Variants in TMTC2 observed in about 807,000 individuals in gnomAD.
TMTC2 encodes the protein transmembrane O-mannosyltransferase targeting cadherins 2, also known as protein O-mannosyl-transferase TMTC2.
A neutral mutation model predicts 82.4 loss-of-function variants in TMTC2; 43 were observed. The observed-to-expected ratio is 0.52, with a 90% confidence interval of 0.41 to 0.67. TMTC2 has a LOEUF of 0.67. Ranked by LOEUF, TMTC2 falls within the 30% of genes least tolerant of loss-of-function variation. The pLI is 0.00. For missense variants in TMTC2, 919 were observed against 1,012.4 expected (o/e 0.91, Z 1.25); for synonymous variants, 408 against 381.9 (o/e 1.07, Z -0.80).
At chr12:83,126,546 C>A (rs1266401151) in intron 11 of TMTC2, among the ~76,000 whole-genome samples, 3 of 151,942 alleles carry the variant, frequency 2.0e-5, no homozygotes, top group Non-Finnish European at 4.4e-5. Flanking sequence ...TTTAAGTAAT[C>A]CAGAAAAAGA....
intron 1 of TMTC2, among the ~76,000 whole-genome samples, chr12:82,709,363 G>A (rs1294193393): frequency 6.6e-6 from 1 of 152,168 alleles, no homozygotes. Flanking sequence ...TGAAATGTTG[G>A]TTTGTAGATT....
At chr12:82,834,465 A>G (rs972060286) in intron 1 of TMTC2, among the ~76,000 whole-genome samples, 1 of 152,198 alleles carries the variant, frequency 6.6e-6, no homozygotes, top group Admixed American at 6.5e-5. Flanking sequence ...TCACAGCTAT[A>G]GTTCCTTCAA....
At chr12:83,039,044 G>T (rs1881789117) in intron 9 of TMTC2, among the ~76,000 whole-genome samples, 1 of 148,708 alleles carries the variant, frequency 6.7e-6, no homozygotes, top group African/African-American at 2.5e-5. Flanking sequence ...CGATTCTCCA[G>T]CCTTAGCTTC....
At chr12:83,117,672 T>C (rs1258651134) in intron 11 of TMTC2, among the ~76,000 whole-genome samples, 1 of 152,176 alleles carries the variant, frequency 6.6e-6, no homozygotes. Flanking sequence ...TTTAGATTTG[T>C]TTTTTCTAAT....
At chr12:82,770,055 A>G (rs1877202745) in intron 1 of TMTC2, among the ~76,000 whole-genome samples, 1 of 152,128 alleles carries the variant, frequency 6.6e-6, no homozygotes, top group African/African-American at 2.4e-5. Flanking sequence ...CTACTACGAG[A>G]GTTTAATTTG....
At chr12:83,064,240 C>T (rs1882843494) in intron 11 of TMTC2, among the ~76,000 whole-genome samples, 1 of 151,814 alleles carries the variant, frequency 6.6e-6, no homozygotes, top group Admixed American at 6.6e-5. Context: ...AAATGAAAGA[C>T]ACTTGGATAC....
intron 9 of TMTC2, among the ~76,000 whole-genome samples, chr12:83,045,726 C>CACAT (rs747864661): frequency 3.7e-4 from 29 of 77,518 alleles, no homozygotes; most frequent in African/African-American, 9.9e-4. Context: ...CACACACACA[C>CACAT]GCACACACAC....
At chr12:83,059,602 A>G (rs1314424573) in intron 10 of TMTC2, among the ~76,000 whole-genome samples, 2 of 151,858 alleles carry the variant, frequency 1.3e-5, no homozygotes, top group Admixed American at 6.6e-5. Context: ...CATCAATTCT[A>G]CTTCTAGCTT....
intron 1 of TMTC2, among the ~76,000 whole-genome samples, chr12:82,791,255 T>A (rs1043910502): frequency 6.6e-6 from 1 of 152,164 alleles, no homozygotes; most frequent in Non-Finnish European, 1.5e-5. Context: ...GGTCATAACA[T>A]CCCTACCTCC....
chr12:82,707,815 C>G (rs1463151211), intron 1 of TMTC2, among the ~76,000 whole-genome samples: 1 of 152,180 alleles, frequency 6.6e-6, no homozygotes, highest in Non-Finnish European at 1.5e-5. Context: ...GTCGGTGAAA[C>G]CTATGAAGTC....
At chr12:82,977,333 C>T (rs962628901) in intron 7 of TMTC2, among the ~76,000 whole-genome samples, 3 of 151,644 alleles carry the variant, frequency 2.0e-5, no homozygotes, top group Admixed American at 6.6e-5. Context: ...CTTGTTTGTT[C>T]TACTAGATAC....
At position 82,930,456 on chromosome 12, in the gene TMTC2, G is replaced by C. The variant is rs752030708; in HGVS notation, c.1509G>C (p.Leu503=). The C allele has an allele frequency of 6.2e-7, 1 of 1,602,268 alleles. No individual in the cohort carries two copies. Among genetic ancestry groups the C allele is most frequent in the East Asian group, 2.2e-5 (1 of 44,576 alleles). Residue 503 remains leucine (L), a synonymous_variant, in exon 4 of 12, where the codon CTG becomes CTC. Transcript: ENST00000321196. Reference sequence around the variant, plus strand: ...CATGGGGTAACCTTGGAAATGTTCTGAAGAGTCAGAGCAAAATTTCTGAAG... The same window carrying C: ...CATGGGGTAACCTTGGAAATGTTCTCAAGAGTCAGAGCAAAATTTCTGAAG... The part of the protein sequence containing the change: ...AKAWGNLGNV[L]KSQSKISEAE...
chr12:82,824,860 A>G (rs1869318304), intron 1 of TMTC2, among the ~76,000 whole-genome samples: 1 of 152,122 alleles, frequency 6.6e-6, no homozygotes. Context: ...AGTCCAAGGC[A>G]GGCAGATCAC....
Position 82,687,484 on chromosome 12 carries a change from C to A in TMTC2, c.-103C>A. 1.8e-6 allele frequency: 2 copies of A among 1,123,454 alleles called. No homozygotes were observed. The highest frequency in any genetic ancestry group is 1.5e-5 in the African/African-American group (1 of 65,290). 69.6% of individuals were successfully genotyped at this position (1,123,454 alleles called of 1,614,324 possible). ...GTGGGGAAGCGAGGGAAAAGTGAAG[C>A]TGGGAGGAGAAGGCGGCGGAAGGTG... On this transcript the variant is annotated 5_prime_UTR_variant, in exon 1 of 12. In the 5' UTR this introduces an upstream ATG that the reference lacks. Transcript: ENST00000321196.
chr12:82,948,563 AC>A (rs1338752641), intron 4 of TMTC2, among the ~76,000 whole-genome samples: 1 of 152,144 alleles, frequency 6.6e-6, no homozygotes, highest in Non-Finnish European at 1.5e-5. Context: ...GTATGACCTA[AC>A]ACCTATTCCC....
chr12:82,687,610 C>T lies in TMTC2; in HGVS notation c.24C>T (p.Ser8=). The T allele has an allele frequency of 6.2e-7, 1 of 1,602,110 alleles. No individual in the cohort carries two copies. Among genetic ancestry groups the T allele is most frequent in the Middle Eastern group, 1.7e-4 (1 of 6,038 alleles). The change falls in exon 1 of 12, where the codon AGC becomes AGT. Residue 8 remains serine (S), a synonymous_variant. Transcript: ENST00000321196. The part of the protein sequence containing the change: MIAELVS[S]ALGLALYLNT... ...AGATGATTGCAGAGTTGGTGAGCAG[C>T]GCTCTGGGGCTCGCCTTGTATCTCA...
intron 8 of TMTC2, among the ~76,000 whole-genome samples, chr12:83,007,289 G>C (rs1034472853): frequency 1.3e-5 from 2 of 152,030 alleles, no homozygotes; most frequent in African/African-American, 4.8e-5. Flanking sequence ...GTAGGTTGTT[G>C]ATATGAGCTC....
intron 8 of TMTC2, among the ~76,000 whole-genome samples, chr12:83,001,589 C>G (rs1396216315): frequency 1.4e-5 from 2 of 143,380 alleles, no homozygotes; most frequent in African/African-American, 5.3e-5. Context: ...GAGCCGAGAT[C>G]ATGCCATTGC....
At position 82,901,306 on chromosome 12, in the gene TMTC2, T is replaced by G. The variant is rs929785464; in HGVS notation, c.1483+4660T>G. ...GTAATATATATATATATATATTTTT[T>G]TTTCTTTTTTTTTTTTGAGACAGAT... On this transcript the variant is annotated intron_variant, in intron 3 of 11. Transcript: ENST00000321196. Among the ~76,000 whole-genome samples, 5 of 142,918 alleles carry G rather than the reference T, an allele frequency of 3.5e-5. 1 individual carries two copies. Among genetic ancestry groups the G allele is most frequent in the African/African-American group, 1.3e-4 (5 of 39,322 alleles). 93.8% of individuals were successfully genotyped at this position (142,918 alleles called of 152,430 possible).
Sources: allele counts gnomAD v4.1 joint callset (sites outside exome capture counted in the v4.1 genomes callset), GRCh38; gene constraint gnomAD v4.1.1; transcripts MANE v1.5; gene names NCBI Gene and HGNC (gene_info 2026-07-23, HGNC 2026-07-21).